Variants in MAD1L1 observed in about 807,000 individuals in gnomAD.
MAD1L1 encodes mitotic arrest deficient 1 like 1, also known as mitotic spindle assembly checkpoint protein MAD1.
Under a neutral mutation model 96.9 loss-of-function variants are expected in MAD1L1, and 95 were observed. The ratio of observed to expected loss-of-function variants is 0.98; its 90% confidence interval spans 0.83 to 1.16. The LOEUF (loss-of-function observed/expected upper bound fraction) is 1.16, where lower values mean the gene tolerates loss of function less well. MAD1L1 is among the 50% of genes most tolerant of loss of function. MAD1L1 has a pLI of 0.00. For synonymous variants in MAD1L1, 473 were observed against 396.6 expected, an observed-to-expected ratio of 1.19 and a Z score of -2.29; for missense variants, 1,007 against 954.4, an observed-to-expected ratio of 1.06 and a Z score of -0.73.
At chr7:1,952,393 C>T (rs912650226) in intron 16 of MAD1L1, among the ~76,000 whole-genome samples, 4 of 152,336 alleles carry the variant, frequency 2.6e-5, no homozygotes, top group Admixed American at 6.5e-5. Context: ...CCCTTGGTCC[C>T]GCCAGGACCT....
intron 12 of MAD1L1, among the ~76,000 whole-genome samples, chr7:2,066,075 A>T (rs1784863413): frequency 6.6e-6 from 1 of 152,244 alleles, no homozygotes; most frequent in South Asian, 2.1e-4. Context: ...TATCAGTAAC[A>T]ATTAAATCCT....
intron 12 of MAD1L1, among the ~76,000 whole-genome samples, chr7:2,059,641 T>C (rs1263037789): frequency 2.1e-5 from 3 of 145,392 alleles, no homozygotes; most frequent in African/African-American, 7.8e-5. Context: ...GGCGCGGGGC[T>C]GGAGAGGGAG....
intron 17 of MAD1L1, among the ~76,000 whole-genome samples, chr7:1,914,432 C>T (rs758207294): frequency 2.4e-4 from 37 of 152,216 alleles, no homozygotes; most frequent in Non-Finnish European, 3.1e-4. Context: ...CGAAGATGTG[C>T]GCTCCGGCTC....
At chr7:2,141,697 C>T (rs1048090949) in intron 11 of MAD1L1, among the ~76,000 whole-genome samples, 3 of 152,180 alleles carry the variant, frequency 2.0e-5, no homozygotes, top group African/African-American at 7.2e-5. Flanking sequence ...GCTGAGGAGG[C>T]CCCACGAGGA....
intron 10 of MAD1L1, among the ~76,000 whole-genome samples, chr7:2,206,955 C>T: frequency 6.6e-6 from 1 of 151,946 alleles, no homozygotes; most frequent in Non-Finnish European, 1.5e-5. Context: ...GTGGTCCATG[C>T]CTGTAGTCCC....
chr7:2,162,654 T>A (rs1256108664), intron 10 of MAD1L1, among the ~76,000 whole-genome samples: 1 of 84,202 alleles, frequency 1.2e-5, no homozygotes, highest in East Asian at 3.3e-4. Flanking sequence ...AAAAATCCAT[T>A]AAAAGAGGAA....
At chr7:2,150,046 C>T (rs1258534659) in intron 10 of MAD1L1, among the ~76,000 whole-genome samples, 1 of 152,220 alleles carries the variant, frequency 6.6e-6, no homozygotes, top group Non-Finnish European at 1.5e-5. Context: ...GGACCAAGCG[C>T]AGGTCCACAT....
At chr7:1,948,281 A>C (rs1779324314) in intron 16 of MAD1L1, among the ~76,000 whole-genome samples, 2 of 151,422 alleles carry the variant, frequency 1.3e-5, no homozygotes, top group African/African-American at 2.4e-5. Flanking sequence ...GAGCCCACCC[A>C]CCTGCGCCAT....
At chr7:2,006,200 C>T (rs1383772197) in intron 13 of MAD1L1, among the ~76,000 whole-genome samples, 1 of 152,040 alleles carries the variant, frequency 6.6e-6, no homozygotes, top group Admixed American at 6.5e-5. Context: ...GACGAGCAGG[C>T]CCTGTGGCCA....
intron 14 of MAD1L1, among the ~76,000 whole-genome samples, chr7:1,995,777 C>T (rs1379028215): frequency 6.6e-6 from 1 of 151,546 alleles, no homozygotes; most frequent in Non-Finnish European, 1.5e-5. Context: ...TGCCAGCAGC[C>T]ATACAGAACC....
intron 11 of MAD1L1, among the ~76,000 whole-genome samples, chr7:2,097,970 G>A (rs1276555762): frequency 6.6e-6 from 1 of 152,248 alleles, no homozygotes; most frequent in East Asian, 1.9e-4. Context: ...GGCACGCTCA[G>A]CAGCGCGGTG....
chr7:1,887,654 C>G (rs977873291), intron 18 of MAD1L1, among the ~76,000 whole-genome samples: 27 of 125,896 alleles, frequency 2.1e-4, no homozygotes, highest in African/African-American at 7.1e-4. Context: ...CATGTGGGTG[C>G]CTGTGCATGT....
intron 11 of MAD1L1, among the ~76,000 whole-genome samples, chr7:2,133,985 T>C (rs976842022): frequency 1.8e-4 from 28 of 152,248 alleles, no homozygotes; most frequent in Admixed American, 1.0e-3. Context: ...TTTCCGGTGT[T>C]GTTCACTGGT....
chr7:1,886,601 G>A (rs34145223), intron 18 of MAD1L1, among the ~76,000 whole-genome samples: 45,838 of 152,192 alleles, frequency 0.3, 8,319 homozygotes, highest in East Asian at 0.46. Context: ...ACAGGCGTGT[G>A]GGCGTGTGCA....
At chr7:2,043,953 C>T (rs1269627962) in intron 12 of MAD1L1, among the ~76,000 whole-genome samples, 2 of 152,220 alleles carry the variant, frequency 1.3e-5, no homozygotes, top group African/African-American at 4.8e-5. Context: ...TCGGACGTGA[C>T]TCAAGCACAG....
chr7:2,184,032 C>T lies in MAD1L1; in HGVS notation c.986+29180G>A, dbSNP rs376592550. Among the ~76,000 whole-genome samples the T allele has an allele frequency of 1.5e-3, 228 of 152,078 alleles. 2 individuals carry two copies. The highest frequency in any genetic ancestry group is 5.3e-3 in the African/African-American group (221 of 41,518). ...TTGGGAGGCCGAGGCGGGTGGATCA[C>T]GAGGTCAGGAAATCGAGACCATCCT... On this transcript the variant is annotated intron_variant, in intron 10 of 18. Transcript: ENST00000265854.
chr7:2,054,370 T>A (rs1430990501), intron 12 of MAD1L1, among the ~76,000 whole-genome samples: 1 of 152,194 alleles, frequency 6.6e-6, no homozygotes, highest in Admixed American at 6.5e-5. Context: ...CCAACCTTCA[T>A]CATCTTCACA....
At chr7:2,034,057 C>T (rs1433123764) in intron 12 of MAD1L1, among the ~76,000 whole-genome samples, 1 of 152,146 alleles carries the variant, frequency 6.6e-6, no homozygotes, top group East Asian at 1.9e-4. Context: ...GATGGCGCCA[C>T]CACATTGCAG....
chr7:2,140,114 C>T (rs1191555947), intron 11 of MAD1L1, among the ~76,000 whole-genome samples: 1 of 152,002 alleles, frequency 6.6e-6, no homozygotes, highest in Non-Finnish European at 1.5e-5. Flanking sequence ...CTGTGCTTGG[C>T]TCAAGATCAC....
Sources: gnomAD v4.1 joint callset for allele counts (sites outside exome capture counted in the v4.1 genomes callset) on GRCh38, gnomAD v4.1.1 for gene constraint, MANE v1.5 for transcripts, NCBI Gene and HGNC (gene_info 2026-07-23, HGNC 2026-07-21) for gene names.